CNTNAP2: variants seen among roughly 807,000 people sequenced by gnomAD.
The protein encoded by CNTNAP2 is contactin associated protein 2, also known as contactin-associated protein-like 2.
Under a neutral mutation model 155.2 loss-of-function variants are expected in CNTNAP2, and 98 were observed. That is an observed-to-expected ratio of 0.63 (90% CI 0.54 to 0.75). The LOEUF is 0.75. Among genes scored for constraint, CNTNAP2 ranks in the 30% least tolerant of loss-of-function variants. The pLI, the probability that CNTNAP2 is intolerant of heterozygous loss-of-function variation, is 0.00. For missense variants in CNTNAP2, 1,727 were observed against 1,688.1 expected (o/e 1.02, Z -0.40); for synonymous variants, 651 against 631.2 (o/e 1.03, Z -0.47).
At chr7:147,218,693 G>A (rs996175782) in intron 8 of CNTNAP2, among the ~76,000 whole-genome samples, 6 of 151,900 alleles carry the variant, frequency 3.9e-5, no homozygotes, top group African/African-American at 1.5e-4. Flanking sequence ...AGAAGAATGT[G>A]TATTCTGTTG....
chr7:146,703,029 T>C (rs1262644150), intron 1 of CNTNAP2, among the ~76,000 whole-genome samples: 1 of 152,134 alleles, frequency 6.6e-6, no homozygotes, highest in Non-Finnish European at 1.5e-5. Flanking sequence ...CAAATATTTT[T>C]TTCTTCTCAC....
chr7:148,108,246 G>A (rs1804266024), intron 15 of CNTNAP2, among the ~76,000 whole-genome samples: 1 of 152,042 alleles, frequency 6.6e-6, no homozygotes, highest in South Asian at 2.1e-4. Context: ...TAGTCGTCAG[G>A]TCCCTCCTCC....
At chr7:146,586,026 C>CAAAACAAAAG (rs1307661999) in intron 1 of CNTNAP2, among the ~76,000 whole-genome samples, 1 of 151,506 alleles carries the variant, frequency 6.6e-6, no homozygotes, top group Non-Finnish European at 1.5e-5. Context: ...AACAACAAAA[C>CAAAACAAAAG]AAAACAAACA....
intron 1 of CNTNAP2, among the ~76,000 whole-genome samples, chr7:146,738,417 T>G (rs1585067080): frequency 6.6e-6 from 1 of 152,134 alleles, no homozygotes; most frequent in East Asian, 1.9e-4. Context: ...TGTTAACCTT[T>G]TATCAGACAT....
chr7:147,690,421 C>T (rs1796070690), intron 13 of CNTNAP2, among the ~76,000 whole-genome samples: 2 of 152,234 alleles, frequency 1.3e-5, no homozygotes, highest in South Asian at 4.1e-4. Flanking sequence ...GCTCTTCACT[C>T]AGCATTACAT....
At chr7:147,422,471 T>G (rs1797311773) in intron 10 of CNTNAP2, among the ~76,000 whole-genome samples, 1 of 152,008 alleles carries the variant, frequency 6.6e-6, no homozygotes, top group Non-Finnish European at 1.5e-5. Flanking sequence ...CTTATGCAAT[T>G]TTTTACTCTG....
intron 4 of CNTNAP2, among the ~76,000 whole-genome samples, chr7:147,052,035 A>G (rs1227344428): frequency 6.6e-6 from 1 of 152,082 alleles, no homozygotes; most frequent in African/African-American, 2.4e-5. Context: ...TTTAACAGGC[A>G]GTCATTGGAG....
intron 11 of CNTNAP2, among the ~76,000 whole-genome samples, chr7:147,540,579 C>T (rs1376821690): frequency 6.6e-6 from 1 of 152,066 alleles, no homozygotes; most frequent in Non-Finnish European, 1.5e-5. Context: ...CAAGGATTCA[C>T]TACTTATAAA....
At chr7:147,501,030 C>T (rs916263700) in intron 11 of CNTNAP2, among the ~76,000 whole-genome samples, 6 of 152,124 alleles carry the variant, frequency 3.9e-5, no homozygotes, top group South Asian at 2.1e-4. Context: ...AAGAATTATA[C>T]ACCAAGATCA....
intron 19 of CNTNAP2, among the ~76,000 whole-genome samples, chr7:148,221,740 GC>G (rs1377895668): frequency 2.6e-5 from 4 of 152,192 alleles, no homozygotes; most frequent in Admixed American, 1.3e-4. Context: ...AGAACCAGCT[GC>G]CCCCAGCACC....
chr7:147,951,485 A>G (rs557617716), intron 14 of CNTNAP2, among the ~76,000 whole-genome samples: 18 of 152,338 alleles, frequency 1.2e-4, no homozygotes, highest in Middle Eastern at 3.4e-3. Flanking sequence ...AAATTAAGAA[A>G]GGGTGATGCT....
Position 146,914,258 on chromosome 7 carries a change from A to G in CNTNAP2, c.402+74354A>G, listed in dbSNP as rs893280554. 7.2e-5 allele frequency among the ~76,000 whole-genome samples: 11 copies of G among 152,058 alleles called. No homozygotes were observed. In the East Asian group the frequency reaches 2.1e-3, roughly 30 times the overall value. On this transcript the variant is annotated intron_variant, in intron 3 of 23. Coordinates refer to ENST00000361727, the MANE Select transcript of CNTNAP2 (RefSeq NM_014141.6). ...TTGTGAATGGTGATGCTATAAACAT[A>G]TGTGCAAGTATCTTTTTTGTATAGT...
At chr7:147,151,762 C>T (rs1801831375) in intron 8 of CNTNAP2, among the ~76,000 whole-genome samples, 1 of 151,668 alleles carries the variant, frequency 6.6e-6, no homozygotes, top group South Asian at 2.1e-4. Context: ...TTTGCAAATC[C>T]AAAAAAGGAT....
chr7:147,808,644 T>C (rs966591906), intron 13 of CNTNAP2, among the ~76,000 whole-genome samples: 1 of 152,222 alleles, frequency 6.6e-6, no homozygotes, highest in Non-Finnish European at 1.5e-5. Flanking sequence ...GGTAGTGCAA[T>C]TGAAGACCAC....
intron 12 of CNTNAP2, among the ~76,000 whole-genome samples, chr7:147,569,688 C>T (rs964272373): frequency 6.6e-6 from 1 of 152,154 alleles, no homozygotes; most frequent in Admixed American, 6.5e-5. Flanking sequence ...TACACAATGA[C>T]CAAATCACCT....
At chr7:146,433,685 A>G (rs994410292) in intron 1 of CNTNAP2, among the ~76,000 whole-genome samples, 1 of 152,182 alleles carries the variant, frequency 6.6e-6, no homozygotes, top group African/African-American at 2.4e-5. Flanking sequence ...GCTTCTCTAT[A>G]CAGATGGTCC....
intron 13 of CNTNAP2, among the ~76,000 whole-genome samples, chr7:147,736,075 T>C (rs888302323): frequency 1.4e-5 from 2 of 147,492 alleles, no homozygotes; most frequent in African/African-American, 2.4e-5. Flanking sequence ...TGATATTAGC[T>C]GGTTATTTTG....
chr7:148,400,332 G>A (rs567690903), intron 22 of CNTNAP2, among the ~76,000 whole-genome samples: 13 of 152,332 alleles, frequency 8.5e-5, no homozygotes, highest in Admixed American at 5.2e-4. Context: ...TCAGACCGGG[G>A]TTTAAATGGC....
intron 13 of CNTNAP2, among the ~76,000 whole-genome samples, chr7:147,654,839 A>C (rs1795502361): frequency 9.4e-6 from 1 of 106,240 alleles, no homozygotes; most frequent in South Asian, 3.1e-4. Flanking sequence ...TTTGAGACTG[A>C]GTCTCACTCT....
Sources: gnomAD v4.1 joint callset for allele counts (sites outside exome capture counted in the v4.1 genomes callset) on GRCh38, gnomAD v4.1.1 for gene constraint, MANE v1.5 for transcripts, NCBI Gene and HGNC (gene_info 2026-07-23, HGNC 2026-07-21) for gene names.